The following MTPN variants were observed in gnomAD, a reference collection of about 807,000 sequenced individuals.
MTPN encodes myotrophin.
A neutral mutation model predicts 13.5 loss-of-function variants in MTPN; 2 were observed. That is an observed-to-expected ratio of 0.15 (90% confidence interval 0.06 to 0.47). The LOEUF (loss-of-function observed/expected upper bound fraction) is 0.47, where lower values mean the gene tolerates loss of function less well. MTPN is among the 20% of genes least tolerant of loss of function. MTPN has a pLI of 0.97. For synonymous variants in MTPN, 46 were observed against 51.7 expected, an observed-to-expected ratio of 0.89 and a Z score of 0.48; for missense variants, 79 against 137.9, an observed-to-expected ratio of 0.57 and a Z score of 2.14.
rs984871293 is a variant in MTPN at position 135,948,532 on chromosome 7, A to G, written c.270+2067T>C. 2.0e-5 allele frequency among the ~76,000 whole-genome samples: 3 copies of G among 152,278 alleles called. No individual in the cohort carries two copies. In the South Asian group the frequency reaches 6.2e-4, roughly 32 times the overall value. On this transcript the variant is annotated intron_variant, in intron 3 of 3. Transcript: ENST00000393085. ...TTAGCAACACAGTACACACACAGAG[A>G]ACCTTCTGGGATGACATCTTAGGGC...
chr7:135,949,610 A>T (rs1799333209), intron 3 of MTPN, among the ~76,000 whole-genome samples: 1 of 152,212 alleles, frequency 6.6e-6, no homozygotes, highest in Non-Finnish European at 1.5e-5. Flanking sequence ...GACCCAAATT[A>T]ACTGCTTTTA....
intron 3 of MTPN, among the ~76,000 whole-genome samples, chr7:135,930,446 T>C (rs535964252): frequency 1.1e-4 from 16 of 152,360 alleles, no homozygotes; most frequent in East Asian, 3.9e-4. Context: ...TTCAGTATTA[T>C]ATACATCAAG....
intron 1 of MTPN, among the ~76,000 whole-genome samples, chr7:135,974,835 G>C (rs1799748482): frequency 6.6e-6 from 1 of 152,192 alleles, no homozygotes; most frequent in African/African-American, 2.4e-5. Context: ...TGGGGCAGAA[G>C]AAACTGTAAT....
chr7:135,976,797 G>A (rs1037600961), intron 1 of MTPN, among the ~76,000 whole-genome samples: 1 of 152,032 alleles, frequency 6.6e-6, no homozygotes, highest in Non-Finnish European at 1.5e-5. Context: ...GTCAGGTAGC[G>A]CCTAACTGTA....
At chr7:135,930,664 T>G (rs1163704629) in intron 3 of MTPN, among the ~76,000 whole-genome samples, 2 of 152,180 alleles carry the variant, frequency 1.3e-5, no homozygotes, top group Non-Finnish European at 2.9e-5. Flanking sequence ...TGTGCCCTTT[T>G]GTGCCTGTAT....
At chr7:135,975,444 G>A (rs532956311) in intron 1 of MTPN, among the ~76,000 whole-genome samples, 1 of 152,240 alleles carries the variant, frequency 6.6e-6, no homozygotes, top group Admixed American at 6.5e-5. Context: ...TAAGTATCCT[G>A]CATCTCAGTA....
At chr7:135,947,210 T>G (rs1287665791) in intron 3 of MTPN, among the ~76,000 whole-genome samples, 1 of 152,202 alleles carries the variant, frequency 6.6e-6, no homozygotes, top group African/African-American at 2.4e-5. Context: ...GGGTTTAATT[T>G]GCTTCTTCCT....
At chr7:135,954,257 T>G (rs59402606) in intron 1 of MTPN, among the ~76,000 whole-genome samples, 3,038 of 152,360 alleles carry the variant, frequency 0.02, 100 homozygotes, top group African/African-American at 0.07. Context: ...TTCACTATTA[T>G]TTTTGTGGAT....
chr7:135,936,144 C>T (rs184343099), intron 3 of MTPN, among the ~76,000 whole-genome samples: 2 of 152,232 alleles, frequency 1.3e-5, no homozygotes, highest in Admixed American at 6.5e-5. Flanking sequence ...TTAGTCTTTG[C>T]GATCCCAAGG....
chr7:135,938,721 G>A (rs1358766342), intron 3 of MTPN, among the ~76,000 whole-genome samples: 2 of 152,156 alleles, frequency 1.3e-5, no homozygotes, highest in Non-Finnish European at 2.9e-5. Context: ...GCCTACTGAA[G>A]ACGGTCACAC....
intron 3 of MTPN, among the ~76,000 whole-genome samples, chr7:135,941,922 T>C (rs1799216707): frequency 2.0e-5 from 3 of 151,286 alleles, no homozygotes; most frequent in Admixed American, 2.0e-4. Context: ...TCATTTTTGT[T>C]GCCCAGGCTG....
intron 1 of MTPN, among the ~76,000 whole-genome samples, chr7:135,972,231 G>GCGCGCACACACACA (rs779296906): frequency 3.2e-3 from 393 of 124,694 alleles, no homozygotes; most frequent in Non-Finnish European, 3.9e-3. Flanking sequence ...GCACGCGCGC[G>GCGCGCACACACACA]CACACACACA....
chr7:135,972,221 G>GCACGCGCGCGCACACACACACA (rs1799705555), intron 1 of MTPN, among the ~76,000 whole-genome samples: 1 of 96,224 alleles, frequency 1.0e-5, no homozygotes, highest in South Asian at 3.5e-4. Context: ...GCGCACACGC[G>GCACGCGCGCGCACACACACACA]CACGCGCGCG....
At chr7:135,944,128 ATCTG>A (rs1799253007) in intron 3 of MTPN, among the ~76,000 whole-genome samples, 1 of 152,188 alleles carries the variant, frequency 6.6e-6, no homozygotes, top group African/African-American at 2.4e-5. Flanking sequence ...CTGAAAGCTT[ATCTG>A]TCTAAATTCT....
At chr7:135,976,326 C>G (rs1799772309) in intron 1 of MTPN, among the ~76,000 whole-genome samples, 1 of 152,178 alleles carries the variant, frequency 6.6e-6, no homozygotes, top group Non-Finnish European at 1.5e-5. Context: ...CAGGTGAAAT[C>G]AGGGAGAAGA....
intron 3 of MTPN, among the ~76,000 whole-genome samples, chr7:135,936,223 G>A (rs1045360331): frequency 2.0e-5 from 3 of 152,196 alleles, no homozygotes; most frequent in Non-Finnish European, 4.4e-5. Context: ...AGTGGCTCAC[G>A]CCTGTAATGT....
At chr7:135,971,457 C>G (rs1014240456) in intron 1 of MTPN, among the ~76,000 whole-genome samples, 1 of 152,070 alleles carries the variant, frequency 6.6e-6, no homozygotes, top group Non-Finnish European at 1.5e-5. Context: ...TAATATAGTA[C>G]CCCCCTAGTT....
chr7:135,937,348 A>G (rs1356696075), intron 3 of MTPN, among the ~76,000 whole-genome samples: 1 of 151,476 alleles, frequency 6.6e-6, no homozygotes, highest in Non-Finnish European at 1.5e-5. Flanking sequence ...ATATATATAT[A>G]GATCTCCAAG....
chr7:135,956,565 C>A (rs1799446928), intron 1 of MTPN, among the ~76,000 whole-genome samples: 1 of 152,152 alleles, frequency 6.6e-6, no homozygotes, highest in Non-Finnish European at 1.5e-5. Context: ...AGCAGATGAG[C>A]CCATATCCTT....
Sources: allele counts gnomAD v4.1 joint callset (sites outside exome capture counted in the v4.1 genomes callset), GRCh38; gene constraint gnomAD v4.1.1; transcripts MANE v1.5; gene names NCBI Gene and HGNC (gene_info 2026-07-23, HGNC 2026-07-21).